The following TRIM71 variants were observed in gnomAD, a reference collection of about 807,000 sequenced individuals.
TRIM71 encodes the protein E3 ubiquitin-protein ligase TRIM71.
TRIM71 carries 9 observed loss-of-function variants against 61.2 expected under a neutral mutation model. That is an observed-to-expected ratio of 0.15 (90% CI 0.09 to 0.26). The LOEUF is 0.26. Ranked by LOEUF, TRIM71 falls within the 10% of genes least tolerant of loss-of-function variation. The pLI, the probability that TRIM71 is intolerant of heterozygous loss-of-function variation, is 1.00. For synonymous variants in TRIM71, 645 were observed against 553.2 expected, an observed-to-expected ratio of 1.17 and a Z score of -2.33; for missense variants, 998 against 1,238.7, an observed-to-expected ratio of 0.81 and a Z score of 2.92.
chr3:32,822,602 C>T (rs1696147526), intron 1 of TRIM71, among the ~76,000 whole-genome samples: 1 of 152,078 alleles, frequency 6.6e-6, no homozygotes, highest in South Asian at 2.1e-4. Flanking sequence ...TTCTCTGTTC[C>T]CAAAGTCTAA....
intron 2 of TRIM71, among the ~76,000 whole-genome samples, chr3:32,878,199 G>A (rs1213586084): frequency 2.0e-5 from 3 of 152,240 alleles, no homozygotes; most frequent in Non-Finnish European, 4.4e-5. Context: ...CAACTTTCGT[G>A]TCCTTGTGCA....
intron 1 of TRIM71, among the ~76,000 whole-genome samples, chr3:32,858,016 A>G (rs999424482): frequency 6.6e-6 from 1 of 152,166 alleles, no homozygotes; most frequent in Non-Finnish European, 1.5e-5. Context: ...CGTGTTTACT[A>G]TTTAAGTGGA....
chr3:32,833,314 C>T (rs1297208791), intron 1 of TRIM71, among the ~76,000 whole-genome samples: 1 of 149,668 alleles, frequency 6.7e-6, no homozygotes, highest in African/African-American at 2.5e-5. Flanking sequence ...TGAAAACTGA[C>T]TGGAATTTCT....
intron 1 of TRIM71, among the ~76,000 whole-genome samples, chr3:32,820,843 AT>A (rs1696119012): frequency 6.6e-6 from 1 of 152,218 alleles, no homozygotes; most frequent in African/African-American, 2.4e-5. Flanking sequence ...ACTTTTTAGC[AT>A]GTGCAATGTC....
chr3:32,826,460 C>G (rs1219063959), intron 1 of TRIM71, among the ~76,000 whole-genome samples: 2 of 152,020 alleles, frequency 1.3e-5, no homozygotes, highest in Non-Finnish European at 2.9e-5. Flanking sequence ...CCATCCAAAC[C>G]TGAGTTTTAG....
intron 1 of TRIM71, among the ~76,000 whole-genome samples, chr3:32,858,482 CTCTGAG>C (rs1158427955): frequency 2.6e-5 from 4 of 152,170 alleles, no homozygotes; most frequent in African/African-American, 9.7e-5. Flanking sequence ...GCCTCATAGT[CTCTGAG>C]TCTGAGTACA....
intron 1 of TRIM71, among the ~76,000 whole-genome samples, chr3:32,855,041 T>C (rs556885436): frequency 2.0e-5 from 3 of 152,324 alleles, no homozygotes; most frequent in Middle Eastern, 3.4e-3. Context: ...TATTTTAATA[T>C]TGGTTGTTGT....
rs1422363985 is a variant in TRIM71, at chr3:32,893,868, A to AC, written c.*2057_*2058insC. ...TGACCAAAATGGGAAGGAAAAAAAA[A>AC]ACCTCATCTCACAGAGGAGAACTGC... On this transcript the variant is annotated 3_prime_UTR_variant, in exon 4 of 4. Transcript: ENST00000383763. 2 of 152,122 alleles carry AC rather than the reference A, an allele frequency of 1.3e-5. No individual in the cohort carries two copies. Among genetic ancestry groups the AC allele is most frequent in the Non-Finnish European group, 2.9e-5 (2 of 68,014 alleles). 9.4% of individuals were successfully genotyped at this position (152,122 alleles called of 1,614,324 possible). A position where few individuals can be genotyped will look rare whatever the true frequency, so the allele number is the denominator to read the frequency against.
At chr3:32,835,199 A>G (rs1696321337) in intron 1 of TRIM71, among the ~76,000 whole-genome samples, 1 of 152,232 alleles carries the variant, frequency 6.6e-6, no homozygotes, top group Non-Finnish European at 1.5e-5. Context: ...CATGTTACGG[A>G]CATCTGGACA....
Position 32,890,931 on chromosome 3 carries a change from T to A in TRIM71, c.1727T>A (p.Phe576Tyr). 6.2e-7 allele frequency: 1 copy of A among 1,614,168 alleles called. No homozygotes were observed. Among genetic ancestry groups the A allele is most frequent in the Non-Finnish European group, 8.5e-7 (1 of 1,180,026 alleles). The change falls in exon 4 of 4, where the codon TTC becomes TAC. Residue 576 changes from phenylalanine to tyrosine, a missense_variant. Phe to Tyr is a conservative substitution (Grantham distance 22). Around this residue, in one of 5 missense-constraint regions of TRIM71, gnomAD observed 291 missense variants for 431.2 expected, o/e 0.67. Transcript: ENST00000383763. This position sits in a 1 kb window ranked among gnomAD's most constrained non-coding sequence, Gnocchi z 6.2. ...AACCAGCACATTGAGAACAGCCCTT[T>A]CAAGGTGGTGGTCAAGTCAGGCCGC... is the stretch of plus-strand genomic sequence containing the variant. ...LCNQHIENSP[F>Y]KVVVKSGRSY...
Position 32,818,883 on chromosome 3 carries a change from T to C in TRIM71, c.803T>C (p.Leu268Pro), listed in dbSNP as rs1363812189. The change falls in exon 1 of 4, where the codon CTC becomes CCC. Residue 268 changes from leucine to proline, a missense_variant. Coordinates refer to ENST00000383763, the MANE Select transcript of TRIM71 (RefSeq NM_001039111.3). Reference sequence around the variant, plus strand: ...TTTCCCGGCCCGCCCTTCTCCATCCTCTCAGTGTTTCCCGAGCGCCTCGGC... The same window carrying C: ...TTTCCCGGCCCGCCCTTCTCCATCCCCTCAGTGTTTCCCGAGCGCCTCGGC... ...PPFPGPPFSI[L>P]SVFPERLGFC... 6.2e-7 allele frequency: 1 copy of C among 1,612,590 alleles called. No individual in the cohort carries two copies. Among genetic ancestry groups the C allele is most frequent in the East Asian group, 2.2e-5 (1 of 44,844 alleles).
At chr3:32,831,757 G>C (rs547366667) in intron 1 of TRIM71, among the ~76,000 whole-genome samples, 1 of 152,134 alleles carries the variant, frequency 6.6e-6, no homozygotes, top group South Asian at 2.1e-4. Flanking sequence ...GGCTGGTCTT[G>C]AACTCCTGAC....
chr3:32,818,287 C>A lies in TRIM71; in HGVS notation c.207C>A (p.Cys69Ter). Residue 69 changes from cysteine (C) to a stop codon, truncating the protein, a stop_gained, in exon 1 of 4, where the codon TGC becomes TGA. Coordinates refer to ENST00000383763, the MANE Select transcript of TRIM71 (RefSeq NM_001039111.3). LOFTEE classifies it high-confidence loss of function. ...GCCTGCACGCCTTCTGCCGCCCCTGCCTCGAGGCGCACCGGCTGCCGGCGG... is the reference window on the plus strand; with the variant it reads ...GCCTGCACGCCTTCTGCCGCCCCTGACTCGAGGCGCACCGGCTGCCGGCGG... Reference protein sequence around the residue: ...LPCLHAFCRPCLEAHRLPAAG... With the variant: ...LPCLHAFCRP 7.0e-7 allele frequency: 1 copy of A among 1,431,156 alleles called. No individual in the cohort carries two copies. Among genetic ancestry groups the A allele is most frequent in the Non-Finnish European group, 9.1e-7 (1 of 1,100,478 alleles). The allele number at this position is 1,431,156 out of a possible 1,614,324, so 88.7% of individuals were successfully genotyped here.
At chr3:32,885,840 A>T in intron 2 of TRIM71, 94 bp from the exon 3 acceptor site, 1 of 1,505,434 alleles carries the variant, frequency 6.6e-7, no homozygotes, top group Non-Finnish European at 8.9e-7. Context: ...CCAGGGTGTC[A>T]GCTTTTCAAG....
chr3:32,896,945 T>C lies in TRIM71; in HGVS notation c.*5134T>C, dbSNP rs185693072. 2.6e-5 allele frequency: 4 copies of C among 151,806 alleles called. No individual in the cohort carries two copies. The East Asian group carries it at 7.7e-4, about 29-fold the overall frequency. 9.4% of individuals were successfully genotyped at this position (151,806 alleles called of 1,614,324 possible). ...TCTTCAGAGGAAGATTTTTCACATT[T>C]CTGGGGTTTTCTTGCTTTTAGGGTG... On this transcript the variant is annotated 3_prime_UTR_variant, in exon 4 of 4. Transcript: ENST00000383763.
intron 1 of TRIM71, among the ~76,000 whole-genome samples, chr3:32,853,899 G>A (rs1696567257): frequency 6.6e-6 from 1 of 152,128 alleles, no homozygotes; most frequent in Non-Finnish European, 1.5e-5. Flanking sequence ...AGCTACTCAG[G>A]AGGCTGAGGC....
intron 1 of TRIM71, among the ~76,000 whole-genome samples, chr3:32,836,493 C>A (rs1032929000): frequency 2.0e-5 from 3 of 152,128 alleles, no homozygotes; most frequent in African/African-American, 7.2e-5. Context: ...AGTTTGCCTC[C>A]ATTTAGTTTA....
At chr3:32,855,506 T>TA (rs1435036439) in intron 1 of TRIM71, among the ~76,000 whole-genome samples, 2 of 152,122 alleles carry the variant, frequency 1.3e-5, no homozygotes, top group Non-Finnish European at 2.9e-5. Flanking sequence ...TGTGGCGTGA[T>TA]ATGTCTCTGA....
intron 1 of TRIM71, among the ~76,000 whole-genome samples, chr3:32,839,734 C>T (rs1246236228): frequency 6.6e-6 from 1 of 151,736 alleles, no homozygotes; most frequent in East Asian, 1.9e-4. Flanking sequence ...ATTGGTTTCT[C>T]ATGTCTAATT....
Sources: allele counts gnomAD v4.1 joint callset (sites outside exome capture counted in the v4.1 genomes callset), GRCh38; gene constraint gnomAD v4.1.1; regional missense constraint gnomAD v4.1.1; non-coding constraint Gnocchi (gnomAD v3.1); transcripts MANE v1.5; gene names NCBI Gene and HGNC (gene_info 2026-07-23, HGNC 2026-07-21).